FNDC3A: variants seen among roughly 807,000 people sequenced by gnomAD.
The protein encoded by FNDC3A is fibronectin type III domain containing 3A.
Under a neutral mutation model 148.9 loss-of-function variants are expected in FNDC3A, and 32 were observed. That is an observed-to-expected ratio of 0.21 (90% CI 0.16 to 0.29). FNDC3A has a LOEUF of 0.29. FNDC3A is among the 10% of genes least tolerant of loss of function. The pLI is 1.00. For missense variants in FNDC3A, 1,191 were observed against 1,452.8 expected (o/e 0.82, Z 2.93); for synonymous variants, 472 against 473.6 (o/e 1.00, Z 0.04).
At position 49,003,423 on chromosome 13, in the gene FNDC3A, T is replaced by A. The variant is rs565797850; in HGVS notation, c.-39-2729T>A. 2.0e-4 allele frequency among the ~76,000 whole-genome samples: 31 copies of A among 152,274 alleles called. No homozygotes were observed. In the South Asian group the frequency reaches 4.4e-3, roughly 21 times the overall value. ...CTCTTGTTATTTTTCTATCTTTTTT[T>A]AAAAATCAATTTGTAGGAGGCCAGT... is the stretch of plus-strand genomic sequence containing the variant. On this transcript the variant is annotated intron_variant, in intron 1 of 25. Transcript: ENST00000492622.
chr13:49,024,434 A>G (rs1446128108), intron 2 of FNDC3A, among the ~76,000 whole-genome samples: 1 of 151,982 alleles, frequency 6.6e-6, no homozygotes, highest in Non-Finnish European at 1.5e-5. Flanking sequence ...AAAGAAAGCT[A>G]AAGACCAATA....
intron 2 of FNDC3A, among the ~76,000 whole-genome samples, chr13:49,032,067 A>C (rs1349419772): frequency 2.0e-5 from 3 of 152,238 alleles, no homozygotes; most frequent in Non-Finnish European, 2.9e-5. Context: ...TCATCAGGGA[A>C]ATGCAAATCA....
rs973015577 is a variant in FNDC3A at position 49,154,496 on chromosome 13, T to G, written c.977+8561T>G. Among the ~76,000 whole-genome samples the G allele has an allele frequency of 9.0e-5, 13 of 145,008 alleles. 1 individual carries two copies. Among genetic ancestry groups the G allele is most frequent in the African/African-American group, 2.6e-4 (10 of 38,734 alleles). On this transcript the variant is annotated intron_variant, in intron 8 of 25. Transcript: ENST00000492622. ...ACAATTTGACTTCCTCTTTTCCTAC[T>G]TGAATACCCTTTATTTCCTTCTCCT... is the stretch of plus-strand genomic sequence containing the variant.
chr13:49,183,157 C>G (rs1885390696), intron 14 of FNDC3A, among the ~76,000 whole-genome samples: 1 of 152,208 alleles, frequency 6.6e-6, no homozygotes, highest in Admixed American at 6.5e-5. Context: ...TCTCCCTGAG[C>G]AGAGCTCACT....
At chr13:49,093,282 A>G (rs543687928) in intron 3 of FNDC3A, among the ~76,000 whole-genome samples, 33 of 152,352 alleles carry the variant, frequency 2.2e-4, no homozygotes, top group Admixed American at 2.0e-3. Context: ...TATTTTAGGC[A>G]TATAACAATA....
chr13:49,159,152 T>C (rs1056698604), intron 8 of FNDC3A, among the ~76,000 whole-genome samples: 12 of 152,342 alleles, frequency 7.9e-5, no homozygotes, highest in Admixed American at 6.5e-4. Context: ...TCCAATTCTG[T>C]GAAGAAAGTC....
intron 1 of FNDC3A, among the ~76,000 whole-genome samples, chr13:48,999,532 A>G (rs961037541): frequency 1.3e-5 from 2 of 152,140 alleles, no homozygotes; most frequent in African/African-American, 2.4e-5. Flanking sequence ...TTTAGAGTTG[A>G]TATTTCTGTG....
intron 4 of FNDC3A, among the ~76,000 whole-genome samples, chr13:49,127,338 G>A (rs1881763099): frequency 6.6e-6 from 1 of 152,158 alleles, no homozygotes; most frequent in Non-Finnish European, 1.5e-5. Flanking sequence ...CCCTATTTCT[G>A]TATTCCCCTT....
chr13:49,196,708 GAT>G (rs765995199), intron 19 of FNDC3A, among the ~76,000 whole-genome samples, 167 bp from the exon 20 acceptor site: 8 of 152,128 alleles, frequency 5.3e-5, no homozygotes, highest in Non-Finnish European at 1.2e-4. Flanking sequence ...TTACTTTCAT[GAT>G]TTTTAAGTCT....
At chr13:49,182,254 A>ACTAG (rs1216839689) in intron 14 of FNDC3A, among the ~76,000 whole-genome samples, 1 of 151,998 alleles carries the variant, frequency 6.6e-6, no homozygotes, top group Non-Finnish European at 1.5e-5. Context: ...CTCCCAAAGT[A>ACTAG]CTAGGATTAC....
chr13:49,126,399 G>C lies in FNDC3A; in HGVS notation c.253-4738G>C, dbSNP rs151050310. On this transcript the variant is annotated intron_variant, in intron 4 of 25. Coordinates refer to ENST00000492622, the MANE Select transcript of FNDC3A (RefSeq NM_001079673.2). ...CTACCAGCTCCACCCTCCATCCACA[G>C]AACTCTTCATCTTGCTGAAAACTGA... Among the ~76,000 whole-genome samples, 158 of 152,124 alleles carry C rather than the reference G, an allele frequency of 1.0e-3. 1 individual carries two copies. The highest frequency in any genetic ancestry group is 3.5e-3 in the African/African-American group (147 of 41,498).
intron 2 of FNDC3A, chr13:49,046,508 CT>C (rs1489147659): frequency 3.1e-5 from 5 of 162,462 alleles, no homozygotes; most frequent in African/African-American, 9.6e-5. Flanking sequence ...AAGACTTGAA[CT>C]TTTATCCATG....
Position 49,189,417 on chromosome 13 carries a change from G to A in FNDC3A, c.1944+784G>A, listed in dbSNP as rs190301460. On this transcript the variant is annotated intron_variant, in intron 17 of 25. Transcript: ENST00000492622. ...AGGCTGGCCTCGAACTCCTGACTTCGTGATCCACCGGCCTCAGCCTCCCAC... is the reference window on the plus strand; with the variant it reads ...AGGCTGGCCTCGAACTCCTGACTTCATGATCCACCGGCCTCAGCCTCCCAC... Among the ~76,000 whole-genome samples, 309 of 152,012 alleles carry A rather than the reference G, an allele frequency of 2.0e-3. 1 individual carries two copies. Among genetic ancestry groups the A allele is most frequent in the African/African-American group, 7.1e-3 (295 of 41,450 alleles).
At chr13:48,991,971 C>T (rs1250412511) in intron 1 of FNDC3A, among the ~76,000 whole-genome samples, 5 of 152,120 alleles carry the variant, frequency 3.3e-5, no homozygotes, top group South Asian at 4.1e-4. Context: ...TTGAATGTCT[C>T]GTGTAATTTA....
chr13:49,013,622 GTGTATACA>G lies in FNDC3A; in HGVS notation c.99+7346_99+7353del, dbSNP rs1478248586. ...TGTACACGTGTATACATGTGTACAC[GTGTATACA>G]TGTATACATGTACATGTGTATACAT... On this transcript the variant is annotated intron_variant, in intron 2 of 25. Coordinates refer to ENST00000492622, the MANE Select transcript of FNDC3A (RefSeq NM_001079673.2). 1.4e-3 allele frequency among the ~76,000 whole-genome samples: 216 copies of G among 150,652 alleles called. 1 individual carries two copies. Among genetic ancestry groups the G allele is most frequent in the African/African-American group, 4.7e-3 (192 of 41,134 alleles).
chr13:49,192,840 TTA>T (rs1380098519), intron 19 of FNDC3A, among the ~76,000 whole-genome samples: 1 of 152,238 alleles, frequency 6.6e-6, no homozygotes, highest in Non-Finnish European at 1.5e-5. Context: ...ATTCCAGATT[TTA>T]AGATAAAATT....
rs368669056 is a variant in FNDC3A at position 49,014,935 on chromosome 13, T to C, written c.99+8646T>C. Among the ~76,000 whole-genome samples the C allele has an allele frequency of 1.6e-4, 24 of 150,152 alleles. 1 individual carries two copies. In the South Asian group the frequency reaches 4.9e-3, roughly 30 times the overall value. ...GATATGTGGCGTTATTTCTGAGGGC[T>C]CTGTTCTGTTCCATTGATCTATATC... On this transcript the variant is annotated intron_variant, in intron 2 of 25. Coordinates refer to ENST00000492622, the MANE Select transcript of FNDC3A (RefSeq NM_001079673.2).
At chr13:49,098,447 A>T (rs919717640) in intron 3 of FNDC3A, among the ~76,000 whole-genome samples, 7 of 152,148 alleles carry the variant, frequency 4.6e-5, no homozygotes, top group African/African-American at 1.4e-4. Flanking sequence ...TAACAAAAGA[A>T]TGATTCATCA....
At chr13:49,099,152 A>G (rs1351317777) in intron 3 of FNDC3A, among the ~76,000 whole-genome samples, 1 of 152,130 alleles carries the variant, frequency 6.6e-6, no homozygotes, top group African/African-American at 2.4e-5. Flanking sequence ...TGGATTTATC[A>G]TTTTTAAAAC....
Sources: gnomAD v4.1 joint callset for allele counts (sites outside exome capture counted in the v4.1 genomes callset) on GRCh38, gnomAD v4.1.1 for gene constraint, MANE v1.5 for transcripts, NCBI Gene and HGNC (gene_info 2026-07-23, HGNC 2026-07-21) for gene names.